Variants in ZNF91 observed in about 807,000 individuals in gnomAD.
The protein encoded by ZNF91 is zinc finger protein 91 (HPF7, HTF10).
In ZNF91, 7 loss-of-function variants were observed where a neutral mutation model predicts 12.6. The observed-to-expected ratio is 0.55, with a 90% confidence interval of 0.31 to 1.04. The LOEUF (loss-of-function observed/expected upper bound fraction) is 1.04, where lower values mean the gene tolerates loss of function less well. Among genes scored for constraint, ZNF91 ranks in the 50% least tolerant of loss-of-function variants. The probability of loss-of-function intolerance (pLI) is 0.05; values close to 1 mark genes in which losing one functional copy is unlikely to be tolerated. For synonymous variants in ZNF91, 453 were observed against 462.6 expected (o/e 0.98, Z 0.27); for missense variants, 1,217 against 1,385.4 (o/e 0.88, Z 1.93).
At chr19:23,375,117 T>C (rs182925577) in intron 1 of ZNF91, among the ~76,000 whole-genome samples, 2 of 152,320 alleles carry the variant, frequency 1.3e-5, no homozygotes, top group Admixed American at 1.3e-4. Context: ...AGTTGTTATA[T>C]ATTTCAGACA....
intron 3 of ZNF91, among the ~76,000 whole-genome samples, chr19:23,341,518 C>G (rs1968123593): frequency 6.6e-6 from 1 of 151,570 alleles, no homozygotes; most frequent in Non-Finnish European, 1.5e-5. Context: ...AAATTCAAAG[C>G]AAAAGCAAGT....
chr19:23,345,550 T>C (rs1022545301), intron 3 of ZNF91, among the ~76,000 whole-genome samples: 1 of 152,144 alleles, frequency 6.6e-6, no homozygotes, highest in African/African-American at 2.4e-5. Flanking sequence ...CTTGCTCATG[T>C]GTTCAAATCC....
chr19:23,356,156 T>C (rs1968479867), downstream of ZNF91, among the ~76,000 whole-genome samples: 1 of 152,086 alleles, frequency 6.6e-6, no homozygotes, highest in Non-Finnish European at 1.5e-5. Flanking sequence ...GATCCAGCAA[T>C]CCCACTACTG....
chr19:23,338,160 CAACAAAATATA>C (rs1237849867), downstream of ZNF91: 1 of 151,998 alleles, frequency 6.6e-6, no homozygotes, highest in Non-Finnish European at 1.5e-5. Context: ...AAACAAAATA[CAACAAAATATA>C]AACAAAATAT....
intron 1 of ZNF91, among the ~76,000 whole-genome samples, chr19:23,376,095 C>G (rs1252944565): frequency 6.6e-6 from 1 of 152,104 alleles, no homozygotes; most frequent in Non-Finnish European, 1.5e-5. Context: ...AAATGCCATC[C>G]TGTTTAAATG....
At chr19:23,376,425 T>C (rs928527741) in intron 1 of ZNF91, among the ~76,000 whole-genome samples, 2 of 151,980 alleles carry the variant, frequency 1.3e-5, no homozygotes, top group Non-Finnish European at 2.9e-5. Context: ...TTGCTCTTGT[T>C]GTTGCCCAGA....
intron 3 of ZNF91, 83 bp downstream of exon 3, chr19:23,373,659 T>C: frequency 9.3e-7 from 1 of 1,074,834 alleles, no homozygotes; most frequent in Non-Finnish European, 1.3e-6. Flanking sequence ...GGAACACAGC[T>C]TCTCAGATCA....
At chr19:23,336,994 T>C (rs1968022638), downstream of ZNF91, among the ~76,000 whole-genome samples, 2 of 152,216 alleles carry the variant, frequency 1.3e-5, no homozygotes, top group East Asian at 1.9e-4. Context: ...GTTTAATTTA[T>C]TTATACAAAT....
At position 23,371,448 on chromosome 19, in the gene ZNF91, A is replaced by C. The variant is rs1056165097; in HGVS notation, c.253+2294T>G. ...TGTAGACATAAAAACACACATATAT[A>C]ATCTGATTGTGATAGACATATGGCT... is the stretch of plus-strand genomic sequence containing the variant. On this transcript the variant is annotated intron_variant, in intron 3 of 3. Coordinates refer to ENST00000300619, the MANE Select transcript of ZNF91 (RefSeq NM_003430.4). 1.1e-4 allele frequency among the ~76,000 whole-genome samples: 16 copies of C among 152,340 alleles called. 2 individuals are homozygous for C. The highest frequency in any genetic ancestry group is 1.3e-4 in the Admixed American group (2 of 15,292).
At chr19:23,370,976 C>T (rs575265802) in intron 3 of ZNF91, among the ~76,000 whole-genome samples, 1 of 152,176 alleles carries the variant, frequency 6.6e-6, no homozygotes, top group Non-Finnish European at 1.5e-5. Flanking sequence ...ACATATTCAT[C>T]ATTAAACACA....
In ZNF91 at chr19:23,360,550, G is replaced by C. The variant is rs780464284; in HGVS notation, c.2429C>G (p.Ser810Cys). Reference protein sequence around the residue: ...CEECGKAFSRSSTLTKHKTIH... With the variant: ...CEECGKAFSRCSTLTKHKTIH... Reference sequence around the variant, plus strand: ...TGTCTTATGCTTAGTAAGGGTTGAGGAACGGCTAAAAGCTTTGCCACATTC... The same window carrying C: ...TGTCTTATGCTTAGTAAGGGTTGAGCAACGGCTAAAAGCTTTGCCACATTC... Residue 810 changes from serine to cysteine, a missense_variant, in exon 4 of 4, where the codon TCC (serine) becomes TGC (cysteine). Around this residue, in one of 2 missense-constraint regions of ZNF91, gnomAD observed 491 missense variants for 489.8 expected, o/e 1.00. Transcript: ENST00000300619. 2 of 1,613,704 alleles carry C rather than the reference G, an allele frequency of 1.2e-6. No individual in the cohort carries two copies. The highest frequency in any genetic ancestry group is 1.7e-6 in the Non-Finnish European group (2 of 1,179,926).
At chr19:23,324,808 GCTCT>G (rs1326425104) in intron 1 of ZNF91, 1 of 152,032 alleles carries the variant, frequency 6.6e-6, no homozygotes, top group Non-Finnish European at 1.5e-5. Context: ...CTGGGCGCAA[GCTCT>G]CTAATGTTTT....
At chr19:23,309,814 G>A (rs1248542990) in intron 1 of ZNF91, among the ~76,000 whole-genome samples, 1 of 152,098 alleles carries the variant, frequency 6.6e-6, no homozygotes, top group African/African-American at 2.4e-5. Flanking sequence ...AAAGCCCTTG[G>A]GTGGTAGAGA....
intron 1 of ZNF91, among the ~76,000 whole-genome samples, chr19:23,379,556 G>A (rs1010340478): frequency 2.0e-5 from 3 of 152,150 alleles, no homozygotes; most frequent in African/African-American, 4.8e-5. Context: ...AATTTACAGC[G>A]CCATGTCATA....
chr19:23,307,982 T>G (rs1428695733), intron 2 of ZNF91: 9 of 152,250 alleles, frequency 5.9e-5, no homozygotes, highest in Non-Finnish European at 1.5e-5. Flanking sequence ...GCATGGGTCC[T>G]GCCCACAAAA....
chr19:23,374,468 G>A (rs560466952), intron 2 of ZNF91, among the ~76,000 whole-genome samples, 170 bp downstream of exon 2: 1 of 147,880 alleles, frequency 6.8e-6, no homozygotes, highest in African/African-American at 2.5e-5. Context: ...GCTGAGTCAG[G>A]AGAATGGTGT....
chr19:23,330,308 G>A (rs1001177429), intron 1 of ZNF91, among the ~76,000 whole-genome samples: 1 of 151,492 alleles, frequency 6.6e-6, no homozygotes, highest in Non-Finnish European at 1.5e-5. Context: ...TCCAGCCTTG[G>A]CAGCAGAGCC....
chr19:23,365,694 C>T (rs1484699485), intron 3 of ZNF91, among the ~76,000 whole-genome samples: 7 of 151,760 alleles, frequency 4.6e-5, no homozygotes, highest in Admixed American at 1.3e-4. Context: ...CTCTGGTTTT[C>T]CTAGGCAGAG....
intron 1 of ZNF91, among the ~76,000 whole-genome samples, chr19:23,319,879 G>GA (rs1439537291): frequency 6.6e-6 from 1 of 152,166 alleles, no homozygotes; most frequent in Non-Finnish European, 1.5e-5. Context: ...CAATGAGAGA[G>GA]ATACTGTCTC....
Sources: gnomAD v4.1 joint callset for allele counts (sites outside exome capture counted in the v4.1 genomes callset) on GRCh38, gnomAD v4.1.1 for gene constraint, gnomAD v4.1.1 regional missense constraint, MANE v1.5 for transcripts, NCBI Gene and HGNC (gene_info 2026-07-23, HGNC 2026-07-21) for gene names.